DCC: variants seen among roughly 807,000 people sequenced by gnomAD.
DCC encodes DCC netrin 1 receptor.
DCC carries 58 observed loss-of-function variants against 172.5 expected under a neutral mutation model. The ratio of observed to expected loss-of-function variants is 0.34; its 90% CI spans 0.27 to 0.42. DCC has a LOEUF of 0.42. DCC is among the 10% of genes least tolerant of loss of function. The pLI, the probability that DCC is intolerant of heterozygous loss-of-function variation, is 1.00. For synonymous variants in DCC, 709 were observed against 644.5 expected (o/e 1.10, Z -1.52); for missense variants, 1,740 against 1,791.0 (o/e 0.97, Z 0.51).
intron 1 of DCC, among the ~76,000 whole-genome samples, chr18:52,742,033 C>T (rs1039537815): frequency 1.3e-5 from 2 of 152,158 alleles, no homozygotes; most frequent in Admixed American, 6.5e-5. Context: ...CTCTCTGTCT[C>T]CCCATGAACA....
At chr18:52,980,067 CG>C (rs1183809882) in intron 5 of DCC, among the ~76,000 whole-genome samples, 4 of 152,114 alleles carry the variant, frequency 2.6e-5, no homozygotes, top group African/African-American at 9.7e-5. Context: ...TATCTGCCCC[CG>C]CCACCCCCAA....
chr18:52,422,390 T>C (rs1397983249), intron 1 of DCC, among the ~76,000 whole-genome samples: 1 of 152,154 alleles, frequency 6.6e-6, no homozygotes, highest in Admixed American at 6.6e-5. Context: ...TAACATCACA[T>C]CAGGATTGTC....
At chr18:53,030,106 T>C (rs2042008269) in intron 5 of DCC, among the ~76,000 whole-genome samples, 1 of 152,186 alleles carries the variant, frequency 6.6e-6, no homozygotes, top group South Asian at 2.1e-4. Context: ...CTGGAATGTC[T>C]AGCACAATGC....
At chr18:52,377,891 G>C (rs1008247034) in intron 1 of DCC, among the ~76,000 whole-genome samples, 1 of 151,872 alleles carries the variant, frequency 6.6e-6, no homozygotes, top group African/African-American at 2.4e-5. Flanking sequence ...GTAGAGGTGG[G>C]GTTTTGACAT....
chr18:52,886,874 C>T (rs1195187270), intron 2 of DCC, among the ~76,000 whole-genome samples: 1 of 151,964 alleles, frequency 6.6e-6, no homozygotes. Flanking sequence ...TCTTACTCTG[C>T]TCTCCTCTTC....
intron 27 of DCC, among the ~76,000 whole-genome samples, chr18:53,511,108 A>G (rs1002432956): frequency 5.9e-5 from 9 of 152,372 alleles, no homozygotes; most frequent in African/African-American, 2.2e-4. Context: ...AAGAACAGAT[A>G]AGAAAATGTA....
rs769241240 is a variant in DCC at position 53,416,162 on chromosome 18, G to C, written c.3163+6G>C. On this transcript the variant is annotated splice_donor_region_variant and intron_variant, in intron 21 of 28. Coordinates refer to ENST00000442544, the MANE Select transcript of DCC (RefSeq NM_005215.4). ...CAAAATGGCTAATGACCAAGGTATG[G>C]TGGCTCAATCTGTCATTTTGTGTTC... 15 of 1,602,588 alleles carry C rather than the reference G, an allele frequency of 9.4e-6. No homozygotes were observed. The highest frequency in any genetic ancestry group is 1.3e-5 in the Non-Finnish European group (15 of 1,169,652).
intron 10 of DCC, among the ~76,000 whole-genome samples, chr18:53,206,231 A>G (rs2055629694): frequency 7.2e-6 from 1 of 138,742 alleles, no homozygotes; most frequent in African/African-American, 2.6e-5. Flanking sequence ...ATATACATAT[A>G]TGTGTTATAC....
Position 52,934,592 on chromosome 18 carries a change from A to G in DCC, c.985+9222A>G, listed in dbSNP as rs146172081. 3.5e-3 allele frequency among the ~76,000 whole-genome samples: 528 copies of G among 152,292 alleles called. 6 individuals are homozygous for G. Among genetic ancestry groups the G allele is most frequent in the Middle Eastern group, 0.014 (4 of 294 alleles). ...TTTTGTAAGCTTTCCATTGAGATTC[A>G]TGATTTTTTCATTGACCACTGCAAT... is the stretch of plus-strand genomic sequence containing the variant. On this transcript the variant is annotated intron_variant, in intron 5 of 28. Coordinates refer to ENST00000442544, the MANE Select transcript of DCC (RefSeq NM_005215.4).
intron 7 of DCC, among the ~76,000 whole-genome samples, chr18:53,129,079 G>A (rs567381011): frequency 9.7e-4 from 147 of 151,684 alleles, no homozygotes; most frequent in South Asian, 6.7e-3. Context: ...TGGAGATGAC[G>A]TTTCACCCTG....
intron 1 of DCC, among the ~76,000 whole-genome samples, chr18:52,531,085 A>T (rs2144684150): frequency 6.6e-6 from 1 of 152,294 alleles, no homozygotes; most frequent in East Asian, 1.9e-4. Context: ...TACCCTTCTA[A>T]GCATTCACAC....
chr18:52,343,002 A>G (rs1983723103), intron 1 of DCC, among the ~76,000 whole-genome samples: 2 of 152,340 alleles, frequency 1.3e-5, no homozygotes, highest in Admixed American at 1.3e-4. Context: ...ATACATACAC[A>G]CACATACACA....
chr18:53,173,034 A>G (rs940550549), intron 8 of DCC, among the ~76,000 whole-genome samples: 11 of 152,268 alleles, frequency 7.2e-5, no homozygotes, highest in South Asian at 4.1e-4. Context: ...TGCTAAAACA[A>G]AAATAAGCAA....
intron 1 of DCC, among the ~76,000 whole-genome samples, chr18:52,557,123 C>T (rs1448946564): frequency 6.6e-6 from 1 of 152,116 alleles, no homozygotes; most frequent in Non-Finnish European, 1.5e-5. Context: ...TAAATATTTA[C>T]ACATATTCGC....
At chr18:52,757,994 A>G (rs1033249422) in intron 2 of DCC, among the ~76,000 whole-genome samples, 7 of 152,190 alleles carry the variant, frequency 4.6e-5, no homozygotes, top group East Asian at 1.9e-4. Context: ...TTTTTAATCA[A>G]TGAAACTCTC....
chr18:52,381,487 C>G (rs1394883140), intron 1 of DCC, among the ~76,000 whole-genome samples: 2 of 152,094 alleles, frequency 1.3e-5, no homozygotes, highest in African/African-American at 4.8e-5. Context: ...AGTTGCAAAA[C>G]AGGAGCAGGA....
chr18:52,407,914 T>A (rs2144394901), intron 1 of DCC, among the ~76,000 whole-genome samples: 1 of 152,200 alleles, frequency 6.6e-6, no homozygotes, highest in East Asian at 1.9e-4. Flanking sequence ...ATTCCTTTAG[T>A]TATTTTGCCT....
chr18:52,390,744 C>T (rs1365445839), intron 1 of DCC, among the ~76,000 whole-genome samples: 1 of 152,062 alleles, frequency 6.6e-6, no homozygotes, highest in African/African-American at 2.4e-5. Context: ...TGTGGCCAAG[C>T]ATCATGGCCA....
At chr18:52,864,606 C>A (rs530212298) in intron 2 of DCC, among the ~76,000 whole-genome samples, 1 of 151,910 alleles carries the variant, frequency 6.6e-6, no homozygotes, top group South Asian at 2.1e-4. Flanking sequence ...TACATAGGTG[C>A]CATGGTGGTT....
Sources: gnomAD v4.1 joint callset for allele counts (sites outside exome capture counted in the v4.1 genomes callset) on GRCh38, gnomAD v4.1.1 for gene constraint, MANE v1.5 for transcripts, NCBI Gene and HGNC (gene_info 2026-07-23, HGNC 2026-07-21) for gene names.